The following SIRT5 variants were observed in gnomAD, a reference collection of about 807,000 sequenced individuals.
SIRT5 encodes the protein sirtuin 5, also known as NAD-dependent protein deacylase sirtuin-5, mitochondrial.
Under a neutral mutation model 40.0 loss-of-function variants are expected in SIRT5, and 26 were observed. The observed-to-expected ratio is 0.65, with a 90% confidence interval of 0.48 to 0.90. SIRT5 has a LOEUF of 0.90. SIRT5 is among the 40% of genes least tolerant of loss of function. The pLI, the probability that SIRT5 is intolerant of heterozygous loss-of-function variation, is 0.00. For synonymous variants in SIRT5, 146 were observed against 149.1 expected (o/e 0.98, Z 0.15); for missense variants, 401 against 402.4 (o/e 1.00, Z 0.03).
In SIRT5 at chr6:13,607,975, G is replaced by C. The variant is rs1244969369; in HGVS notation, c.858-3815G>C. 6.6e-6 allele frequency among the ~76,000 whole-genome samples: 1 copy of C among 152,076 alleles called. No homozygotes were observed. Among genetic ancestry groups the C allele is most frequent in the Non-Finnish European group, 1.5e-5 (1 of 68,034 alleles). ...GGTTTTCACCACATTGCCCAGGCTG[G>C]TCTCAAACTACTGACATCAGGCAAT... On this transcript the variant is annotated intron_variant, in intron 9 of 9. Coordinates refer to ENST00000606117, the MANE Select transcript of SIRT5 (RefSeq NM_012241.5). This position sits in a 1 kb window ranked among gnomAD's most constrained non-coding sequence, Gnocchi z 4.0.
chr6:13,577,866 T>C (rs558136427), intron 1 of SIRT5, among the ~76,000 whole-genome samples: 2 of 152,110 alleles, frequency 1.3e-5, no homozygotes, highest in South Asian at 2.1e-4. Context: ...GAATAGACAA[T>C]GTGAGAGTGA....
At chr6:13,577,704 ATAT>A (rs1421975574) in intron 1 of SIRT5, among the ~76,000 whole-genome samples, 1 of 148,424 alleles carries the variant, frequency 6.7e-6, no homozygotes, top group Non-Finnish European at 1.5e-5. Context: ...ATATACATAG[ATAT>A]TATATATCTA....
intron 9 of SIRT5, among the ~76,000 whole-genome samples, chr6:13,601,839 A>G (rs1319858562): frequency 7.0e-6 from 1 of 142,968 alleles, no homozygotes; most frequent in Admixed American, 7.0e-5. Context: ...GCTGGGATTT[A>G]AAAAAAAAAA....
intron 9 of SIRT5, among the ~76,000 whole-genome samples, chr6:13,606,245 C>T (rs1433524612): frequency 6.6e-6 from 1 of 152,188 alleles, no homozygotes; most frequent in African/African-American, 2.4e-5. Context: ...CTGGGACCAC[C>T]TGGAGCAGAG....
At position 13,574,908 on chromosome 6, in the gene SIRT5, C is replaced by T. The variant is rs74537845; in HGVS notation, c.-195+164C>T. 2.6e-4 allele frequency among the ~76,000 whole-genome samples: 39 copies of T among 152,200 alleles called. No individual in the cohort carries two copies. In the East Asian group the frequency reaches 6.2e-3, roughly 24 times the overall value. On this transcript the variant is annotated intron_variant, in intron 1 of 9. Transcript: ENST00000606117. ...GAGCCTCCCTTTTCAGAAAGGTCAC[C>T]CTGGTCATTGCAGCTGCCAGGGTGA...
rs1413370745 is a variant in SIRT5, at chr6:13,613,749, G to C, written c.*1884G>C. 1 of 152,226 alleles carries C rather than the reference G, an allele frequency of 6.6e-6. No individual in the cohort carries two copies. The highest frequency in any genetic ancestry group is 1.5e-5 in the Non-Finnish European group (1 of 68,042). The allele number at this position is 152,226 out of a possible 1,614,324, so 9.4% of individuals were successfully genotyped here. A position where few individuals can be genotyped will look rare whatever the true frequency, so the allele number is the denominator to read the frequency against. On this transcript the variant is annotated 3_prime_UTR_variant, in exon 10 of 10. Coordinates refer to ENST00000606117, the MANE Select transcript of SIRT5 (RefSeq NM_012241.5). Reference sequence around the variant, plus strand: ...TACACTGAGGGCACTGGTAATACCTGTAATAGTCTTATAGTACTTATAAAG... The same window carrying C: ...TACACTGAGGGCACTGGTAATACCTCTAATAGTCTTATAGTACTTATAAAG...
At position 13,604,340 on chromosome 6, in the gene SIRT5, C is replaced by T. The variant is rs1004180938; in HGVS notation, c.857+3391C>T. 133 of 711,390 alleles carry T rather than the reference C, an allele frequency of 1.9e-4. No homozygotes were observed. In the East Asian group the frequency reaches 2.8e-3, roughly 15 times the overall value. 44.1% of individuals were successfully genotyped at this position (711,390 alleles called of 1,614,324 possible). A position where few individuals can be genotyped will look rare whatever the true frequency, so the allele number is the denominator to read the frequency against. On this transcript the variant is annotated intron_variant, in intron 9 of 9. Coordinates refer to ENST00000606117, the MANE Select transcript of SIRT5 (RefSeq NM_012241.5). ...TTAGCATGACTAAGCGTAGTAATAC[C>T]GGAGCTAGGCAGCTCAAGCCTCCTG...
At chr6:13,589,231 A>T (rs1760487682) in intron 4 of SIRT5, 1 of 152,778 alleles carries the variant, frequency 6.5e-6, no homozygotes, top group Admixed American at 6.6e-5. Flanking sequence ...TCTGCCTCCC[A>T]GATTCTCCTG....
At chr6:13,591,398 A>T (rs1313692290) in intron 4 of SIRT5, among the ~76,000 whole-genome samples, 1 of 152,232 alleles carries the variant, frequency 6.6e-6, no homozygotes, top group Non-Finnish European at 1.5e-5. Context: ...CTTGGGAGGT[A>T]GATGGGACAG....
chr6:13,594,004 G>A (rs1489355923), intron 5 of SIRT5, among the ~76,000 whole-genome samples: 2 of 152,086 alleles, frequency 1.3e-5, no homozygotes, highest in African/African-American at 4.8e-5. Context: ...TCTCATCCAA[G>A]CTCCTGACAC....
chr6:13,585,820 T>A (rs1333033655), intron 3 of SIRT5, among the ~76,000 whole-genome samples: 1 of 152,184 alleles, frequency 6.6e-6, no homozygotes, highest in Admixed American at 6.5e-5. Flanking sequence ...ATTGCCACAC[T>A]CTCTTCCACA....
chr6:13,611,297 ATT>A (rs1420165961), intron 9 of SIRT5, among the ~76,000 whole-genome samples: 5 of 149,214 alleles, frequency 3.4e-5, no homozygotes, highest in African/African-American at 7.3e-5. Flanking sequence ...AAAAGTATGT[ATT>A]GTGTCTATAT....
intron 9 of SIRT5, among the ~76,000 whole-genome samples, chr6:13,609,006 G>C (rs1325263185): frequency 6.6e-6 from 1 of 152,132 alleles, no homozygotes; most frequent in Non-Finnish European, 1.5e-5. Flanking sequence ...ATTTTTAGTA[G>C]AGACAGGGTT....
chr6:13,583,952 GTATAA>G (rs1470555315), intron 2 of SIRT5, 119 bp from the exon 3 acceptor site: 6 of 428,968 alleles, frequency 1.4e-5, no homozygotes, highest in South Asian at 4.7e-5. Context: ...GTGCGTGTGG[GTATAA>G]TATAATATAC....
chr6:13,587,971 A>C (rs1207001288), intron 3 of SIRT5, among the ~76,000 whole-genome samples: 1 of 152,134 alleles, frequency 6.6e-6, no homozygotes, highest in Non-Finnish European at 1.5e-5. Context: ...CCTTCCCACT[A>C]GGCTTTTTTT....
At chr6:13,597,063 C>T in intron 7 of SIRT5, 47 bp downstream of exon 7, 1 of 1,081,088 alleles carries the variant, frequency 9.2e-7, no homozygotes, top group Non-Finnish European at 1.3e-6. Context: ...GTTACCAAAA[C>T]AAAAAAAAAA....
intron 4 of SIRT5, among the ~76,000 whole-genome samples, chr6:13,591,075 GTA>G (rs1760838078): frequency 6.6e-6 from 1 of 151,518 alleles, no homozygotes; most frequent in Non-Finnish European, 1.5e-5. Flanking sequence ...CTAGTTGTGT[GTA>G]TGTGTGTGCA....
chr6:13,603,954 A>G (rs777211322), intron 9 of SIRT5, among the ~76,000 whole-genome samples: 1 of 152,232 alleles, frequency 6.6e-6, no homozygotes, highest in Non-Finnish European at 1.5e-5. Context: ...AAAAGACCAT[A>G]TATGGTATGA....
chr6:13,584,348 G>A, intron 3 of SIRT5, 123 bp downstream of exon 3: 2 of 714,426 alleles, frequency 2.8e-6, no homozygotes, highest in Non-Finnish European at 4.8e-6. Flanking sequence ...AAGCCACTCT[G>A]TCATCTTCTC....
Sources: allele counts gnomAD v4.1 joint callset (sites outside exome capture counted in the v4.1 genomes callset), GRCh38; gene constraint gnomAD v4.1.1; non-coding constraint Gnocchi (gnomAD v3.1); transcripts MANE v1.5; gene names NCBI Gene and HGNC (gene_info 2026-07-23, HGNC 2026-07-21).